GRIK4: variants seen among roughly 807,000 people sequenced by gnomAD.
GRIK4 encodes glutamate ionotropic receptor kainate type subunit 4, also known as glutamate receptor ionotropic, kainate 4.
A neutral mutation model predicts 104.9 loss-of-function variants in GRIK4; 40 were observed. That is an observed-to-expected ratio of 0.38 (90% CI 0.30 to 0.50). The LOEUF is 0.50. Among genes scored for constraint, GRIK4 ranks in the 20% least tolerant of loss-of-function variants. The pLI is 0.93. For missense variants in GRIK4, 1,047 were observed against 1,308.1 expected, an observed-to-expected ratio of 0.80 and a Z score of 3.08; for synonymous variants, 485 against 524.9, an observed-to-expected ratio of 0.92 and a Z score of 1.04.
intron 1 of GRIK4, among the ~76,000 whole-genome samples, chr11:120,551,390 C>A (rs1591688905): frequency 6.6e-6 from 1 of 152,112 alleles, no homozygotes; most frequent in Non-Finnish European, 1.5e-5. Context: ...GCCCTCATAC[C>A]CAGGAGGAAG....
At chr11:120,716,774 C>G (rs750490987) in intron 3 of GRIK4, among the ~76,000 whole-genome samples, 12 of 152,180 alleles carry the variant, frequency 7.9e-5, no homozygotes, top group Non-Finnish European at 1.5e-4. Context: ...GAATTCTTCT[C>G]TCCCTGAAGT....
At chr11:120,671,386 ATCGCCAT>A (rs1950014602) in intron 3 of GRIK4, among the ~76,000 whole-genome samples, 2 of 152,168 alleles carry the variant, frequency 1.3e-5, no homozygotes, top group Admixed American at 6.5e-5. Context: ...CTTTTTAATG[ATCGCCAT>A]TCTAACTGGC....
intron 13 of GRIK4, among the ~76,000 whole-genome samples, chr11:120,917,247 C>CAAAA (rs199620498): frequency 0.018 from 600 of 33,542 alleles, 24 homozygotes; most frequent in African/African-American, 0.041. Context: ...AACTCCGTCT[C>CAAAA]AAAAAAAAAA....
chr11:120,630,382 T>G (rs1738676387), intron 1 of GRIK4, among the ~76,000 whole-genome samples: 1 of 152,166 alleles, frequency 6.6e-6, no homozygotes. Context: ...AGAAGAGCAG[T>G]GAATAAGAAT....
chr11:120,830,957 C>T (rs954354761), intron 6 of GRIK4, among the ~76,000 whole-genome samples: 1 of 151,644 alleles, frequency 6.6e-6, no homozygotes, highest in Non-Finnish European at 1.5e-5. Context: ...AATTAAGACC[C>T]TCATGTCTCA....
intron 6 of GRIK4, 55 bp from the exon 7 acceptor site, chr11:120,831,797 G>A: frequency 7.0e-7 from 1 of 1,420,104 alleles, no homozygotes; most frequent in Non-Finnish European, 9.8e-7. Flanking sequence ...CTGCCCAGGT[G>A]TCTCTAGAGG....
chr11:120,742,342 T>A (rs570447154), intron 3 of GRIK4, among the ~76,000 whole-genome samples: 1 of 141,336 alleles, frequency 7.1e-6, no homozygotes, highest in East Asian at 2.0e-4. Flanking sequence ...CAAGACTCCG[T>A]TTCAAAAAAA....
intron 1 of GRIK4, among the ~76,000 whole-genome samples, chr11:120,570,851 TA>T (rs142769450): frequency 0.28 from 42,788 of 152,176 alleles, 7,810 homozygotes; most frequent in Non-Finnish European, 0.41. Context: ...GTTAAATGAA[TA>T]GTCAGAATTT....
chr11:120,954,117 C>T (rs79439185), intron 15 of GRIK4, among the ~76,000 whole-genome samples: 2,392 of 152,106 alleles, frequency 0.016, 72 homozygotes, highest in African/African-American at 0.055. Flanking sequence ...GCATGGTAAG[C>T]CCTAGGGAAC....
Position 120,869,988 on chromosome 11 carries a change from C to T in GRIK4, c.907-4078C>T, listed in dbSNP as rs542289990. 23 of 152,422 alleles carry T rather than the reference C, an allele frequency of 1.5e-4. No homozygotes were observed. The East Asian group carries it at 3.1e-3, about 20-fold the overall frequency. 9.4% of individuals were successfully genotyped at this position (152,422 alleles called of 1,614,324 possible). ...CCCCACTTGGTTACAGCTTCATGCTCAGGCTGGAGCTGGGCTGGCTGCAGC... is the reference window on the plus strand; with the variant it reads ...CCCCACTTGGTTACAGCTTCATGCTTAGGCTGGAGCTGGGCTGGCTGCAGC... On this transcript the variant is annotated intron_variant, in intron 9 of 20. Coordinates refer to ENST00000527524, the MANE Select transcript of GRIK4 (RefSeq NM_014619.5).
chr11:120,579,084 G>T (rs1425051001), intron 1 of GRIK4, among the ~76,000 whole-genome samples: 1 of 152,176 alleles, frequency 6.6e-6, no homozygotes, highest in East Asian at 1.9e-4. Context: ...CAGCCCAAGT[G>T]GCATTTATTG....
intron 3 of GRIK4, among the ~76,000 whole-genome samples, chr11:120,734,159 G>T (rs1951185575): frequency 6.6e-6 from 1 of 151,716 alleles, no homozygotes; most frequent in African/African-American, 2.4e-5. Context: ...ATTTCTTATT[G>T]CTCATTAACG....
In GRIK4 at chr11:120,612,583, A is replaced by G. The variant is rs780464645; in HGVS notation, c.-158-41102A>G. On this transcript the variant is annotated intron_variant, in intron 1 of 20. Transcript: ENST00000527524. ...ACTAAGCCTGAGTCCCTATGATGAA[A>G]CGTATAGCATGTGGGATTCCCCATG... is the stretch of plus-strand genomic sequence containing the variant. 3.3e-4 allele frequency among the ~76,000 whole-genome samples: 51 copies of G among 152,330 alleles called. 1 individual carries two copies. The highest frequency in any genetic ancestry group is 1.4e-3 in the Admixed American group (22 of 15,308).
At chr11:120,723,847 C>T (rs1950976907) in intron 3 of GRIK4, among the ~76,000 whole-genome samples, 1 of 151,890 alleles carries the variant, frequency 6.6e-6, no homozygotes, top group African/African-American at 2.4e-5. Flanking sequence ...GTGAAATTCA[C>T]TTTTTATGAG....
chr11:120,720,984 T>TTCATTCATTCATTCATTCATTCATTCA (rs1950922643), intron 3 of GRIK4, among the ~76,000 whole-genome samples: 3 of 149,166 alleles, frequency 2.0e-5, no homozygotes, highest in African/African-American at 5.1e-5. Flanking sequence ...CACGTATTCA[T>TTCATTCATTCATTCATTCATTCATTCA]TCATTCATTC....
Position 120,952,711 on chromosome 11 carries a change from C to T in GRIK4, c.1591-144C>T. On this transcript the variant is annotated intron_variant, in intron 14 of 20. Transcript: ENST00000527524. The surrounding 1 kb of genome is among the most constrained non-coding windows in gnomAD (Gnocchi z 5.2). Reference sequence around the variant, plus strand: ...CCGGCAACACCCTCATTCCCAGTGTCATTTAAACCAATCACCCAGAACCCA... The same window carrying T: ...CCGGCAACACCCTCATTCCCAGTGTTATTTAAACCAATCACCCAGAACCCA... 1.4e-6 allele frequency: 1 copy of T among 702,562 alleles called. No individual in the cohort carries two copies. Among genetic ancestry groups the T allele is most frequent in the South Asian group, 1.5e-5 (1 of 65,188 alleles). 43.5% of individuals were successfully genotyped at this position (702,562 alleles called of 1,614,324 possible).
Position 120,952,669 on chromosome 11 carries a change from C to G in GRIK4, c.1591-186C>G, listed in dbSNP as rs893025322. 5.9e-5 allele frequency among the ~76,000 whole-genome samples: 9 copies of G among 152,114 alleles called. No individual in the cohort carries two copies. Among genetic ancestry groups the G allele is most frequent in the Admixed American group, 5.9e-4 (9 of 15,274 alleles). Reference sequence around the variant, plus strand: ...TCACCTGCTGAGGTCAGGGCTGGGTCGTGTCATTTGCGCAGCCCGGCAACA... The same window carrying G: ...TCACCTGCTGAGGTCAGGGCTGGGTGGTGTCATTTGCGCAGCCCGGCAACA... On this transcript the variant is annotated intron_variant, in intron 14 of 20. Coordinates refer to ENST00000527524, the MANE Select transcript of GRIK4 (RefSeq NM_014619.5). This position sits in a 1 kb window ranked among gnomAD's most constrained non-coding sequence, Gnocchi z 5.2.
At chr11:120,929,660 C>T (rs1943437668) in intron 13 of GRIK4, among the ~76,000 whole-genome samples, 1 of 152,154 alleles carries the variant, frequency 6.6e-6, no homozygotes. Context: ...CATCTCCATT[C>T]CTTCCCGGGC....
At chr11:120,958,322 C>T (rs185122070) in intron 16 of GRIK4, among the ~76,000 whole-genome samples, 133 of 152,384 alleles carry the variant, frequency 8.7e-4, no homozygotes, top group African/African-American at 3.1e-3. Context: ...AAATGGCTGG[C>T]CCCAGGTGGC....
Sources: gnomAD v4.1 joint callset for allele counts (sites outside exome capture counted in the v4.1 genomes callset) on GRCh38, gnomAD v4.1.1 for gene constraint, Gnocchi (gnomAD v3.1) non-coding constraint, MANE v1.5 for transcripts, NCBI Gene and HGNC (gene_info 2026-07-23, HGNC 2026-07-21) for gene names.